The following SOX6 variants were observed in gnomAD, a reference collection of about 807,000 sequenced individuals.
The protein encoded by SOX6 is transcription factor SOX-6.
A neutral mutation model predicts 97.8 loss-of-function variants in SOX6; 11 were observed. That is an observed-to-expected ratio of 0.11 (90% CI 0.07 to 0.19). The LOEUF (loss-of-function observed/expected upper bound fraction) is 0.19, where lower values mean the gene tolerates loss of function less well. SOX6 is among the 10% of genes least tolerant of loss of function. The pLI is 1.00. For missense variants in SOX6, 810 were observed against 1,039.5 expected (o/e 0.78, Z 3.04); for synonymous variants, 360 against 371.4 (o/e 0.97, Z 0.35).
chr11:16,562,909 A>G (rs1231093794), intron 4 of SOX6, among the ~76,000 whole-genome samples: 1 of 152,192 alleles, frequency 6.6e-6, no homozygotes, highest in African/African-American at 2.4e-5. Flanking sequence ...TCCATCTAGC[A>G]GTAACAAGGT....
At chr11:16,125,726 G>T (rs560319431) in intron 6 of SOX6, among the ~76,000 whole-genome samples, 6 of 151,888 alleles carry the variant, frequency 4.0e-5, no homozygotes, top group African/African-American at 1.4e-4. Flanking sequence ...TGGAAGGATG[G>T]TGGTTCACTC....
At chr11:16,620,709 G>A (rs1391268859) in intron 3 of SOX6, among the ~76,000 whole-genome samples, 1 of 152,152 alleles carries the variant, frequency 6.6e-6, no homozygotes, top group Non-Finnish European at 1.5e-5. Context: ...TTTTGACCCA[G>A]AATTTCAGCA....
At chr11:16,614,267 A>C (rs1200108595) in intron 3 of SOX6, among the ~76,000 whole-genome samples, 2 of 151,786 alleles carry the variant, frequency 1.3e-5, no homozygotes, top group Non-Finnish European at 2.9e-5. Flanking sequence ...CTGACTCCGT[A>C]CTCCCTGGGA....
intron 6 of SOX6, among the ~76,000 whole-genome samples, chr11:16,155,681 G>A (rs1361636662): frequency 6.6e-6 from 1 of 152,064 alleles, no homozygotes; most frequent in Non-Finnish European, 1.5e-5. Flanking sequence ...GCAGTCTAGT[G>A]TATCTTCCTC....
At chr11:16,694,049 C>A (rs1848035036) in intron 3 of SOX6, among the ~76,000 whole-genome samples, 1 of 152,138 alleles carries the variant, frequency 6.6e-6, no homozygotes, top group Admixed American at 6.5e-5. Flanking sequence ...TTGTTTTCAA[C>A]AGAAATATAT....
chr11:16,095,852 T>C (rs1848780917), intron 9 of SOX6, 144 bp downstream of exon 9: 2 of 945,872 alleles, frequency 2.1e-6, no homozygotes, highest in East Asian at 5.2e-5. Context: ...AAGAAGAGCC[T>C]CCTTAGGAAT....
Position 16,318,504 on chromosome 11 carries a change from A to G in SOX6, c.387T>C (p.Asp129=). 3 of 1,613,676 alleles carry G rather than the reference A, an allele frequency of 1.9e-6. No homozygotes were observed. The highest frequency in any genetic ancestry group is 2.2e-5 in the East Asian group (1 of 44,860). Residue 129 remains aspartate, a synonymous_variant, in exon 3 of 16, where the codon GAT becomes GAC. Coordinates refer to ENST00000683767, the MANE Select transcript of SOX6 (RefSeq NM_001367873.1). Reference sequence around the variant, plus strand: ...TCTTCTGTTTCAGTGTGTCCACCACATCGGCAAGACTCCCTTTGCGGCGCT... The same window carrying G: ...TCTTCTGTTTCAGTGTGTCCACCACGTCGGCAAGACTCCCTTTGCGGCGCT... ...TPERRKGSLA[D]VVDTLKQKKL...
intron 4 of SOX6, among the ~76,000 whole-genome samples, chr11:16,555,588 A>G (rs1415159920): frequency 6.6e-6 from 1 of 151,606 alleles, no homozygotes; most frequent in East Asian, 1.9e-4. Context: ...TCTTCTTGCT[A>G]TTTCGAAATA....
chr11:16,168,304 G>A (rs1407362111), intron 6 of SOX6, among the ~76,000 whole-genome samples: 1 of 152,050 alleles, frequency 6.6e-6, no homozygotes, highest in Non-Finnish European at 1.5e-5. Flanking sequence ...TATAAGAACA[G>A]GAAGTATAAA....
chr11:16,097,832 C>T (rs570644823), intron 7 of SOX6, 144 bp from the exon 8 acceptor site: 16 of 793,008 alleles, frequency 2.0e-5, no homozygotes, highest in Admixed American at 7.9e-5. Flanking sequence ...CTTAGTTGGG[C>T]ACAGACTTGC....
At chr11:16,204,716 A>C (rs1852028955) in intron 4 of SOX6, among the ~76,000 whole-genome samples, 6 of 152,092 alleles carry the variant, frequency 3.9e-5, no homozygotes, top group Admixed American at 3.9e-4. Context: ...AACTAAATTG[A>C]ATTGTCTTTT....
chr11:16,729,647 G>A (rs1358195763), intron 2 of SOX6, among the ~76,000 whole-genome samples: 13 of 152,084 alleles, frequency 8.5e-5, no homozygotes, highest in South Asian at 2.1e-4. Flanking sequence ...AAAGACCATC[G>A]ACACTATGAA....
At chr11:15,993,829 T>C (rs925533227) in intron 13 of SOX6, among the ~76,000 whole-genome samples, 3 of 152,104 alleles carry the variant, frequency 2.0e-5, no homozygotes, top group Middle Eastern at 3.2e-3. Context: ...TCCAGGTGGG[T>C]TGGAAAGAAG....
chr11:16,028,488 G>T (rs1300362831), intron 12 of SOX6, among the ~76,000 whole-genome samples: 2 of 152,144 alleles, frequency 1.3e-5, no homozygotes, highest in African/African-American at 2.4e-5. Context: ...TGAAGCTTTT[G>T]TTAGGCTCTA....
intron 15 of SOX6, among the ~76,000 whole-genome samples, chr11:15,983,391 T>C (rs1156360379): frequency 6.6e-6 from 1 of 152,148 alleles, no homozygotes; most frequent in Non-Finnish European, 1.5e-5. Flanking sequence ...TCAGCCACAG[T>C]TGTGTAGTCA....
At chr11:16,430,047 T>C (rs1254753532) in intron 1 of SOX6, among the ~76,000 whole-genome samples, 1 of 152,196 alleles carries the variant, frequency 6.6e-6, no homozygotes, top group East Asian at 1.9e-4. Context: ...ACACATGATA[T>C]AATTAGCACA....
intron 3 of SOX6, among the ~76,000 whole-genome samples, chr11:16,272,017 T>A (rs1854274453): frequency 6.6e-6 from 1 of 151,366 alleles, no homozygotes; most frequent in Admixed American, 6.6e-5. Context: ...TAAAATGTAT[T>A]CCATAAATTT....
At chr11:15,981,553 T>C (rs1217860068) in intron 15 of SOX6, among the ~76,000 whole-genome samples, 1 of 152,084 alleles carries the variant, frequency 6.6e-6, no homozygotes, top group East Asian at 1.9e-4. Context: ...CATATCTCTG[T>C]AGCTGATACT....
At chr11:15,990,473 G>C (rs1854014880) in intron 13 of SOX6, among the ~76,000 whole-genome samples, 1 of 151,750 alleles carries the variant, frequency 6.6e-6, no homozygotes, top group South Asian at 2.1e-4. Flanking sequence ...GATAGGGCAA[G>C]GGATGGGTCT....
Sources: allele counts gnomAD v4.1 joint callset (sites outside exome capture counted in the v4.1 genomes callset), GRCh38; gene constraint gnomAD v4.1.1; transcripts MANE v1.5; gene names NCBI Gene and HGNC (gene_info 2026-07-23, HGNC 2026-07-21).